The following IPO11 variants were observed in gnomAD, a reference collection of about 807,000 sequenced individuals.
The protein encoded by IPO11 is importin 11, also known as importin-11.
A neutral mutation model predicts 143.2 loss-of-function variants in IPO11; 66 were observed. The observed-to-expected ratio is 0.46, with a 90% confidence interval of 0.38 to 0.57. The LOEUF (loss-of-function observed/expected upper bound fraction) is 0.57, where lower values mean the gene tolerates loss of function less well. IPO11 is among the 20% of genes least tolerant of loss of function. The probability of loss-of-function intolerance (pLI) is 0.00; values close to 1 mark genes in which losing one functional copy is unlikely to be tolerated. For synonymous variants in IPO11, 385 were observed against 377.8 expected (o/e 1.02, Z -0.22); for missense variants, 1,026 against 1,141.0 (o/e 0.90, Z 1.45).
intron 20 of IPO11, among the ~76,000 whole-genome samples, chr5:62,521,478 C>T (rs1037275842): frequency 1.3e-5 from 2 of 152,080 alleles, no homozygotes; most frequent in African/African-American, 4.8e-5. Flanking sequence ...ACCCCTCCTT[C>T]CCTTTTCTGG....
chr5:62,532,444 G>A (rs1742583437), intron 22 of IPO11, among the ~76,000 whole-genome samples: 1 of 151,862 alleles, frequency 6.6e-6, no homozygotes, highest in Admixed American at 6.6e-5. Flanking sequence ...TGCAACCTCC[G>A]CCTCCCAGGT....
intron 27 of IPO11, chr5:62,580,655 C>T: frequency 6.4e-7 from 1 of 1,551,500 alleles, no homozygotes; most frequent in Admixed American, 2.0e-5. Flanking sequence ...AATTGTGTTA[C>T]ATCTTCAATA....
intron 18 of IPO11, 100 bp downstream of exon 18, chr5:62,504,998 A>G (rs1404951080): frequency 3.2e-6 from 2 of 622,866 alleles, no homozygotes; most frequent in Middle Eastern, 3.8e-4. Context: ...GTTACTTATT[A>G]AAGTTGAATT....
intron 3 of IPO11, among the ~76,000 whole-genome samples, chr5:62,446,838 G>A (rs1014888217): frequency 6.6e-6 from 1 of 151,914 alleles, no homozygotes; most frequent in Non-Finnish European, 1.5e-5. Flanking sequence ...ACATGGTAGT[G>A]TAAGCCTGTA....
intron 1 of IPO11, among the ~76,000 whole-genome samples, chr5:62,424,623 G>A (rs1743652326): frequency 6.7e-6 from 1 of 150,216 alleles, no homozygotes; most frequent in African/African-American, 2.5e-5. Flanking sequence ...TTGTAGAGAT[G>A]GGGTCTTGCC....
At chr5:62,505,443 C>A (rs1233991215) in intron 18 of IPO11, among the ~76,000 whole-genome samples, 1 of 151,942 alleles carries the variant, frequency 6.6e-6, no homozygotes, top group Non-Finnish European at 1.5e-5. Context: ...CTTAAGAGGA[C>A]TGGGTGAGAA....
At chr5:62,605,113 A>G (rs1476557955) in intron 29 of IPO11, among the ~76,000 whole-genome samples, 4 of 152,224 alleles carry the variant, frequency 2.6e-5, no homozygotes, top group Non-Finnish European at 4.4e-5. Flanking sequence ...TCATTTTAAA[A>G]TGAAATTATT....
intron 22 of IPO11, among the ~76,000 whole-genome samples, chr5:62,531,703 A>T (rs1742551590): frequency 6.6e-6 from 1 of 152,228 alleles, no homozygotes; most frequent in Admixed American, 6.5e-5. Flanking sequence ...AAACAATTGT[A>T]ACTGATTAAA....
chr5:62,416,182 C>CTTTTTT (rs869236693), intron 1 of IPO11, among the ~76,000 whole-genome samples: 49 of 123,458 alleles, frequency 4.0e-4, no homozygotes, highest in Non-Finnish European at 6.2e-4. Context: ...TTTTTCTTTT[C>CTTTTTT]TTTTTTTTTT....
intron 27 of IPO11, among the ~76,000 whole-genome samples, chr5:62,569,854 A>C (rs796426573): frequency 6.6e-6 from 1 of 152,314 alleles, no homozygotes; most frequent in East Asian, 1.9e-4. Flanking sequence ...TAATCTTTAC[A>C]TTATGTATGT....
intron 24 of IPO11, among the ~76,000 whole-genome samples, chr5:62,544,909 C>T (rs1413001082): frequency 6.6e-6 from 1 of 152,104 alleles, no homozygotes; most frequent in African/African-American, 2.4e-5. Flanking sequence ...AGGAGCTCTT[C>T]AGGGAGAACT....
intron 26 of IPO11, among the ~76,000 whole-genome samples, chr5:62,553,284 G>A (rs960903139): frequency 1.3e-5 from 2 of 151,852 alleles, no homozygotes; most frequent in Non-Finnish European, 2.9e-5. Flanking sequence ...ATGAATGACA[G>A]GAATTCATTC....
At chr5:62,486,678 G>A (rs1746417748) in intron 12 of IPO11, among the ~76,000 whole-genome samples, 1 of 152,116 alleles carries the variant, frequency 6.6e-6, no homozygotes, top group African/African-American at 2.4e-5. Flanking sequence ...TAAACATACA[G>A]TTGTTAACCA....
intron 19 of IPO11, among the ~76,000 whole-genome samples, chr5:62,507,916 A>G (rs192986600): frequency 6.6e-6 from 1 of 152,366 alleles, no homozygotes; most frequent in African/African-American, 2.4e-5. Context: ...ACAATAAGGT[A>G]TAGTTATTCA....
In IPO11 at chr5:62,424,019, G is replaced by A. The variant is rs188831185; in HGVS notation, c.-7+11090G>A. Among the ~76,000 whole-genome samples, 285 of 152,052 alleles carry A rather than the reference G, an allele frequency of 1.9e-3. 2 individuals are homozygous for A. Among genetic ancestry groups the A allele is most frequent in the Middle Eastern group, 3.4e-3 (1 of 294 alleles). ...CTTCTCTTTGTAGACTTGGGCTATA[G>A]ATCATGATTTTTTTTCTGAGACATG... On this transcript the variant is annotated intron_variant, in intron 1 of 29. Transcript: ENST00000325324.
chr5:62,476,847 T>C, intron 9 of IPO11, 94 bp downstream of exon 9: 2 of 1,283,918 alleles, frequency 1.6e-6, no homozygotes, highest in Non-Finnish European at 1.0e-6. Flanking sequence ...ATTTTCACTT[T>C]AGTGTAAGGA....
At chr5:62,572,178 C>T (rs1165971756) in intron 27 of IPO11, among the ~76,000 whole-genome samples, 1 of 152,120 alleles carries the variant, frequency 6.6e-6, no homozygotes, top group Non-Finnish European at 1.5e-5. Context: ...ATTTCTGAGT[C>T]ATTTTTGTTA....
chr5:62,421,018 T>C (rs1411626409), intron 1 of IPO11, among the ~76,000 whole-genome samples: 1 of 152,264 alleles, frequency 6.6e-6, no homozygotes, highest in African/African-American at 2.4e-5. Flanking sequence ...TCTGTTTCCA[T>C]GCATTCTTGC....
intron 26 of IPO11, among the ~76,000 whole-genome samples, chr5:62,552,395 C>T (rs1361338140): frequency 2.0e-5 from 3 of 151,190 alleles, no homozygotes; most frequent in Admixed American, 1.3e-4. Flanking sequence ...GATCCCAACC[C>T]TTGTTTTGAT....
Sources: allele counts gnomAD v4.1 joint callset (sites outside exome capture counted in the v4.1 genomes callset), GRCh38; gene constraint gnomAD v4.1.1; transcripts MANE v1.5; gene names NCBI Gene and HGNC (gene_info 2026-07-23, HGNC 2026-07-21).